SLC35F1: variants seen among roughly 807,000 people sequenced by gnomAD.
SLC35F1 encodes chromosome 6 open reading frame 169.
In SLC35F1, 14 loss-of-function variants were observed where a neutral mutation model predicts 48.7. The observed-to-expected ratio is 0.29, with a 90% CI of 0.19 to 0.45. The LOEUF is 0.45. Among genes scored for constraint, SLC35F1 ranks in the 20% least tolerant of loss-of-function variants. The pLI, the probability that SLC35F1 is intolerant of heterozygous loss-of-function variation, is 1.00. For missense variants in SLC35F1, 404 were observed against 500.0 expected, an observed-to-expected ratio of 0.81 and a Z score of 1.83; for synonymous variants, 190 against 202.2, an observed-to-expected ratio of 0.94 and a Z score of 0.51.
At chr6:118,203,989 G>A (rs1212415981) in intron 2 of SLC35F1, among the ~76,000 whole-genome samples, 1 of 151,856 alleles carries the variant, frequency 6.6e-6, no homozygotes, top group Non-Finnish European at 1.5e-5. Context: ...ATTGCTAATA[G>A]TAATAAATGC....
At chr6:118,184,348 A>G (rs1774626414) in intron 2 of SLC35F1, among the ~76,000 whole-genome samples, 1 of 152,212 alleles carries the variant, frequency 6.6e-6, no homozygotes, top group Admixed American at 6.5e-5. Context: ...ATCCAGTCCA[A>G]GGAATTTCCA....
chr6:118,203,829 T>C (rs1208669461), intron 2 of SLC35F1, among the ~76,000 whole-genome samples: 1 of 152,226 alleles, frequency 6.6e-6, no homozygotes, highest in Non-Finnish European at 1.5e-5. Context: ...ATTCATGGCT[T>C]CATTCATTTA....
At chr6:118,248,717 C>T (rs549537797) in intron 3 of SLC35F1, among the ~76,000 whole-genome samples, 19 of 152,342 alleles carry the variant, frequency 1.2e-4, no homozygotes, top group African/African-American at 2.2e-4. Flanking sequence ...ATAAGATAAA[C>T]GTGTGCTGTT....
intron 1 of SLC35F1, among the ~76,000 whole-genome samples, chr6:118,060,035 A>G (rs1162811825): frequency 6.6e-6 from 1 of 152,228 alleles, no homozygotes; most frequent in Non-Finnish European, 1.5e-5. Flanking sequence ...ATGGTATCTA[A>G]TTAGAGAGAA....
At chr6:117,931,006 G>A (rs1370236063) in intron 1 of SLC35F1, among the ~76,000 whole-genome samples, 1 of 152,092 alleles carries the variant, frequency 6.6e-6, no homozygotes, top group Non-Finnish European at 1.5e-5. Context: ...ACCCTTATCT[G>A]TCAAATGGAG....
intron 7 of SLC35F1, among the ~76,000 whole-genome samples, chr6:118,296,311 A>G (rs985843711): frequency 6.6e-6 from 1 of 152,208 alleles, no homozygotes; most frequent in Non-Finnish European, 1.5e-5. Flanking sequence ...AGGCACTTGG[A>G]GTCCTCTGTG....
chr6:118,143,334 A>G (rs899823487), intron 1 of SLC35F1, among the ~76,000 whole-genome samples: 5 of 152,216 alleles, frequency 3.3e-5, no homozygotes, highest in African/African-American at 9.6e-5. Flanking sequence ...AAAGTCATTT[A>G]GCAATGTATA....
intron 5 of SLC35F1, among the ~76,000 whole-genome samples, chr6:118,275,893 C>A (rs1466120655): frequency 1.3e-5 from 2 of 152,102 alleles, no homozygotes; most frequent in Non-Finnish European, 1.5e-5. Flanking sequence ...TCTCTGAAAT[C>A]CATGAGTGGG....
At chr6:117,987,342 CCT>C (rs1455167591) in intron 1 of SLC35F1, among the ~76,000 whole-genome samples, 11 of 150,178 alleles carry the variant, frequency 7.3e-5, no homozygotes, top group Non-Finnish European at 1.3e-4. Context: ...TCTTCCTCCT[CCT>C]CTTATTCGTC....
intron 2 of SLC35F1, among the ~76,000 whole-genome samples, chr6:118,167,251 A>G (rs1404101508): frequency 1.3e-5 from 2 of 152,138 alleles, no homozygotes; most frequent in African/African-American, 4.8e-5. Context: ...TCTGAGTGCC[A>G]CCCTTTCCCT....
At chr6:118,074,755 C>A (rs548517119) in intron 1 of SLC35F1, among the ~76,000 whole-genome samples, 30 of 152,118 alleles carry the variant, frequency 2.0e-4, no homozygotes, top group Non-Finnish European at 3.5e-4. Context: ...GCTCAAGTGA[C>A]CCTCCACCTC....
intron 1 of SLC35F1, among the ~76,000 whole-genome samples, chr6:118,052,608 C>T (rs1442204274): frequency 2.6e-5 from 4 of 152,108 alleles, no homozygotes. Context: ...ACTTTCGTGT[C>T]TGACCAGTGA....
intron 1 of SLC35F1, among the ~76,000 whole-genome samples, chr6:118,121,632 G>A (rs1340461043): frequency 1.3e-5 from 2 of 152,082 alleles, no homozygotes; most frequent in African/African-American, 4.8e-5. Flanking sequence ...TACTTTCAAA[G>A]GTATCCCTGC....
intron 2 of SLC35F1, among the ~76,000 whole-genome samples, chr6:118,225,264 A>G (rs1274988534): frequency 2.0e-5 from 3 of 152,224 alleles, no homozygotes; most frequent in Admixed American, 6.5e-5. Flanking sequence ...TGGCAATTAA[A>G]TCAGCATGGT....
chr6:118,132,011 TTAC>T (rs1269901073), intron 1 of SLC35F1, among the ~76,000 whole-genome samples: 7 of 152,236 alleles, frequency 4.6e-5, no homozygotes, highest in African/African-American at 1.7e-4. Flanking sequence ...TCCATTCTTT[TTAC>T]TACTATTTTG....
chr6:118,173,088 C>T (rs1025779154), intron 2 of SLC35F1, among the ~76,000 whole-genome samples: 6 of 151,892 alleles, frequency 4.0e-5, no homozygotes, highest in Middle Eastern at 3.2e-3. Context: ...CACAAGCATC[C>T]CATAGGTCAT....
chr6:117,942,968 G>GT (rs1430504595), intron 1 of SLC35F1, among the ~76,000 whole-genome samples: 5 of 152,028 alleles, frequency 3.3e-5, no homozygotes, highest in African/African-American at 7.3e-5. Context: ...ATTTCTCTTA[G>GT]TTCACAGTTT....
intron 7 of SLC35F1, among the ~76,000 whole-genome samples, chr6:118,300,193 A>G (rs185192945): frequency 1.5e-4 from 23 of 152,306 alleles, no homozygotes; most frequent in Non-Finnish European, 2.8e-4. Context: ...ATTATTCCCT[A>G]AAGAATACAA....
intron 2 of SLC35F1, among the ~76,000 whole-genome samples, chr6:118,234,483 A>T (rs1290922059): frequency 1.3e-5 from 2 of 152,120 alleles, no homozygotes; most frequent in East Asian, 3.9e-4. Flanking sequence ...GTGAGCTTGG[A>T]AGCAGGTCCC....
Sources: allele counts gnomAD v4.1 joint callset (sites outside exome capture counted in the v4.1 genomes callset), GRCh38; gene constraint gnomAD v4.1.1; transcripts MANE v1.5; gene names NCBI Gene and HGNC (gene_info 2026-07-23, HGNC 2026-07-21).